Variants in LDAF1 observed in about 807,000 individuals in gnomAD.
The protein encoded by LDAF1 is PROMETHIN.
A neutral mutation model predicts 13.5 loss-of-function variants in LDAF1; 7 were observed. The observed-to-expected ratio is 0.52, with a 90% CI of 0.29 to 0.97. LDAF1 has a LOEUF of 0.97. Among genes scored for constraint, LDAF1 ranks in the 50% least tolerant of loss-of-function variants. The pLI, the probability that LDAF1 is intolerant of heterozygous loss-of-function variation, is 0.07. For synonymous variants in LDAF1, 69 were observed against 77.1 expected, an observed-to-expected ratio of 0.89 and a Z score of 0.55; for missense variants, 148 against 193.2, an observed-to-expected ratio of 0.77 and a Z score of 1.39.
At position 21,170,228 on chromosome 16, in the gene LDAF1, C is replaced by T. The variant is rs181925167; in HGVS notation, c.97-209C>T. The T allele has an allele frequency of 8.7e-4, 747 of 858,716 alleles. 2 individuals are homozygous for T. In the Middle Eastern group the frequency reaches 0.011, roughly 12 times the overall value. The allele number at this position is 858,716 out of a possible 1,614,324, so 53.2% of individuals were successfully genotyped here. A position where few individuals can be genotyped will look rare whatever the true frequency, so the allele number is the denominator to read the frequency against. On this transcript the variant is annotated intron_variant, in intron 2 of 4. Transcript: ENST00000233047. Reference sequence around the variant, plus strand: ...ATGTTGGTCAGGCTGGTCTCAAGCTCCCAACCTCAGGTGATCCGCTCGCCT... The same window carrying T: ...ATGTTGGTCAGGCTGGTCTCAAGCTTCCAACCTCAGGTGATCCGCTCGCCT...
Position 21,171,885 on chromosome 16 carries a change from G to A in LDAF1, c.265+1280G>A, listed in dbSNP as rs553644134. Among the ~76,000 whole-genome samples, 14 of 151,914 alleles carry A rather than the reference G, an allele frequency of 9.2e-5. 1 individual carries two copies. In the South Asian group the frequency reaches 2.9e-3, roughly 32 times the overall value. Reference sequence around the variant, plus strand: ...CCCAAGTAGTTGGGATTACAGGCATGCCCCACCATGCCCGACTAATTTTTG... The same window carrying A: ...CCCAAGTAGTTGGGATTACAGGCATACCCCACCATGCCCGACTAATTTTTG... On this transcript the variant is annotated intron_variant, in intron 3 of 4. Transcript: ENST00000233047.
chr16:21,172,974 G>A, intron 3 of LDAF1: 1 of 272,146 alleles, frequency 3.7e-6, no homozygotes, highest in Non-Finnish European at 5.6e-6. Flanking sequence ...CATGTTACTT[G>A]TTCTTCATGA....
chr16:21,179,403 A>G (rs2093164584), intron 4 of LDAF1, 72 bp from the exon 5 acceptor site: 1 of 1,612,142 alleles, frequency 6.2e-7, no homozygotes, highest in Non-Finnish European at 8.5e-7. Context: ...TCATGTATTC[A>G]GCTATGCACA....
At position 21,170,493 on chromosome 16, in the gene LDAF1, G is replaced by C. The variant is rs1482855893; in HGVS notation, c.153G>C (p.Leu51=). ...AGTACTTGGACAGCCATCCGTTTCT[G>C]GCCTTCACCTTGCTGGTGTTCATTG... is the stretch of plus-strand genomic sequence containing the variant. The part of the protein sequence containing the change: ...VGQYLDSHPF[L]AFTLLVFIVM... The change falls in exon 3 of 5, where the codon CTG becomes CTC. Residue 51 remains leucine (L), a synonymous_variant. Transcript: ENST00000233047. 2 of 1,614,040 alleles carry C rather than the reference G, an allele frequency of 1.2e-6. No homozygotes were observed. Among genetic ancestry groups the C allele is most frequent in the Non-Finnish European group, 1.7e-6 (2 of 1,180,008 alleles).
chr16:21,163,865 T>TGTTC (rs2092999949), intron 2 of LDAF1, among the ~76,000 whole-genome samples: 1 of 151,638 alleles, frequency 6.6e-6, no homozygotes, highest in African/African-American at 2.4e-5. Flanking sequence ...TTTGTTTGTT[T>TGTTC]GTTTTTGTAT....
intron 2 of LDAF1, among the ~76,000 whole-genome samples, chr16:21,169,693 A>T (rs1349126917): frequency 6.6e-6 from 1 of 152,208 alleles, no homozygotes; most frequent in Non-Finnish European, 1.5e-5. Context: ...TGAGAACCTC[A>T]GCTGTAAAGT....
chr16:21,171,239 T>C (rs551866679), intron 3 of LDAF1, among the ~76,000 whole-genome samples: 8 of 152,338 alleles, frequency 5.3e-5, no homozygotes, highest in Middle Eastern at 6.8e-3. Context: ...TTAAAATTAC[T>C]GGGAAAGCAA....
intron 2 of LDAF1, among the ~76,000 whole-genome samples, chr16:21,167,696 G>GTTTTTTTTTTTTTTTT (rs778992036): frequency 0.063 from 5,590 of 88,956 alleles, 1,063 homozygotes; most frequent in East Asian, 0.15. Context: ...CCTTAGGTTT[G>GTTTTTTTTTTTTTTTT]TTTTTTTTTT....
chr16:21,161,257 C>G lies in LDAF1; in HGVS notation c.75C>G (p.Asp25Glu). ...ELQKKLSLLI[D>E]SFQNNSKVVA... ...AGAAGAAGCTGTCTCTGCTGATAGACTCCTTCCAGAATAACTCAAAGGTCA... is the reference window on the plus strand; with the variant it reads ...AGAAGAAGCTGTCTCTGCTGATAGAGTCCTTCCAGAATAACTCAAAGGTCA... The change falls in exon 2 of 5, where the codon GAC (aspartate) becomes GAG (glutamate). Residue 25 changes from aspartate (D) to glutamate (E), a missense_variant. Coordinates refer to ENST00000233047, the MANE Select transcript of LDAF1 (RefSeq NM_001301771.2). 4 of 1,614,232 alleles carry G rather than the reference C, an allele frequency of 2.5e-6. No individual in the cohort carries two copies. Among genetic ancestry groups the G allele is most frequent in the Non-Finnish European group, 3.4e-6 (4 of 1,180,058 alleles).
chr16:21,159,398 G>C, intron 1 of LDAF1: 1 of 1,614,110 alleles, frequency 6.2e-7, no homozygotes, highest in Non-Finnish European at 8.5e-7. Context: ...GCCCGGATGG[G>C]GAGGGGCGGC....
chr16:21,166,995 G>C, intron 2 of LDAF1: 2 of 1,335,052 alleles, frequency 1.5e-6, no homozygotes, highest in Non-Finnish European at 1.0e-6. Context: ...TGGGGTAGCA[G>C]GAGGCAGTGA....
At chr16:21,166,144 G>C (rs2152843915) in intron 2 of LDAF1, among the ~76,000 whole-genome samples, 1 of 152,210 alleles carries the variant, frequency 6.6e-6, no homozygotes, top group Admixed American at 6.5e-5. Flanking sequence ...TTACAGGTGT[G>C]AGCCACCGTG....
At chr16:21,168,802 AT>A (rs1272459999) in intron 2 of LDAF1, among the ~76,000 whole-genome samples, 2 of 132,014 alleles carry the variant, frequency 1.5e-5, no homozygotes, top group Non-Finnish European at 3.1e-5. Context: ...ATATAATTAT[AT>A]TTTTATATAA....
intron 2 of LDAF1, among the ~76,000 whole-genome samples, chr16:21,163,623 T>A (rs2092997347): frequency 6.6e-6 from 1 of 152,102 alleles, no homozygotes; most frequent in Admixed American, 6.6e-5. Context: ...CCAGCCTGGG[T>A]GACAGAGCAA....
At chr16:21,164,136 G>C (rs1222966144) in intron 2 of LDAF1, among the ~76,000 whole-genome samples, 4 of 152,216 alleles carry the variant, frequency 2.6e-5, no homozygotes, top group African/African-American at 9.6e-5. Flanking sequence ...CAGTCTTCAT[G>C]TTCTCAAATA....
Position 21,174,027 on chromosome 16 carries a change from G to A in LDAF1, c.283G>A (p.Gly95Ser). Reference sequence around the variant, plus strand: ...CCTCCTAGGATTGGTCATCTCTGTGGGTGGCTTCTCACTGCTCTGCATCCT... The same window carrying A: ...CCTCCTAGGATTGGTCATCTCTGTGAGTGGCTTCTCACTGCTCTGCATCCT... ...IILEGLVISVGGFSLLCILCG... is the reference protein window; with the variant it reads ...IILEGLVISVSGFSLLCILCG... The change falls in exon 4 of 5, where the codon GGT (glycine) becomes AGT (serine). Residue 95 changes from glycine (G) to serine (S), a missense_variant. By Grantham distance (56) the Gly-to-Ser change is moderately conservative. Coordinates refer to ENST00000233047, the MANE Select transcript of LDAF1 (RefSeq NM_001301771.2). 1.2e-6 allele frequency: 2 copies of A among 1,613,246 alleles called. No individual in the cohort carries two copies. The highest frequency in any genetic ancestry group is 1.7e-6 in the Non-Finnish European group (2 of 1,179,728).
chr16:21,161,316 A>G (rs929234000), intron 2 of LDAF1, 38 bp downstream of exon 2: 23 of 1,601,936 alleles, frequency 1.4e-5, no homozygotes, highest in Admixed American at 1.7e-5. Context: ...GAAAATCCCA[A>G]TATAACACTA....
chr16:21,165,161 T>C (rs2093011559), intron 2 of LDAF1, among the ~76,000 whole-genome samples: 1 of 152,152 alleles, frequency 6.6e-6, no homozygotes, highest in Non-Finnish European at 1.5e-5. Flanking sequence ...GAGCCCAGAC[T>C]CGGAAAAGAC....
intron 2 of LDAF1, among the ~76,000 whole-genome samples, chr16:21,169,452 G>T (rs1488955313): frequency 1.3e-5 from 2 of 152,074 alleles, no homozygotes; most frequent in Non-Finnish European, 2.9e-5. Flanking sequence ...AGGACTGTGG[G>T]TATGTGCTGC....
Sources: allele counts gnomAD v4.1 joint callset (sites outside exome capture counted in the v4.1 genomes callset), GRCh38; gene constraint gnomAD v4.1.1; transcripts MANE v1.5; gene names NCBI Gene and HGNC (gene_info 2026-07-23, HGNC 2026-07-21).